The following NFS1 variants were observed in gnomAD, a reference collection of about 807,000 sequenced individuals.
The protein encoded by NFS1 is cysteine desulfurase.
A neutral mutation model predicts 57.3 loss-of-function variants in NFS1; 26 were observed. The ratio of observed to expected loss-of-function variants is 0.45; its 90% CI spans 0.33 to 0.63. The LOEUF is 0.63. Ranked by LOEUF, NFS1 falls within the 20% of genes least tolerant of loss-of-function variation. The pLI is 0.02. For missense variants in NFS1, 505 were observed against 605.8 expected (o/e 0.83, Z 1.75); for synonymous variants, 209 against 216.3 (o/e 0.97, Z 0.30).
At chr20:35,671,971 T>C (rs1186393835) in intron 12 of NFS1, among the ~76,000 whole-genome samples, 5 of 151,320 alleles carry the variant, frequency 3.3e-5, no homozygotes, top group Admixed American at 1.3e-4. Context: ...TTGTTTTTGT[T>C]TTCTTGAGAC....
intron 5 of NFS1, among the ~76,000 whole-genome samples, chr20:35,690,177 A>G (rs568984817): frequency 1.3e-5 from 2 of 152,198 alleles, no homozygotes; most frequent in Admixed American, 6.5e-5. Context: ...TAGCCTGGGC[A>G]AAAGAGTGAG....
At chr20:35,691,174 A>G (rs1216111261) in intron 4 of NFS1, among the ~76,000 whole-genome samples, 2 of 152,302 alleles carry the variant, frequency 1.3e-5, no homozygotes, top group East Asian at 1.9e-4. Flanking sequence ...TAATGTAGGT[A>G]TTTAAAAATC....
chr20:35,677,199 A>C (rs2034767912), intron 7 of NFS1, among the ~76,000 whole-genome samples: 1 of 152,100 alleles, frequency 6.6e-6, no homozygotes, highest in African/African-American at 2.4e-5. Flanking sequence ...TGAATTTTGA[A>C]TCACATGAAT....
intron 5 of NFS1, among the ~76,000 whole-genome samples, chr20:35,688,834 G>A (rs574338266): frequency 6.6e-6 from 1 of 152,128 alleles, no homozygotes; most frequent in South Asian, 2.1e-4. Context: ...GTGAGGGAGG[G>A]AAAAGTATAA....
At chr20:35,674,033 A>G (rs536145397) in intron 10 of NFS1, 3 of 457,736 alleles carry the variant, frequency 6.6e-6, no homozygotes, top group Non-Finnish European at 1.2e-5. Context: ...AGGGCAGCCA[A>G]ACACTTAGTG....
chr20:35,687,416 C>T (rs1020716724), intron 5 of NFS1, among the ~76,000 whole-genome samples: 2 of 138,032 alleles, frequency 1.4e-5, no homozygotes, highest in African/African-American at 2.8e-5. Context: ...TCTCTCTCTC[C>T]TCTCTCTCTC....
rs748118970 is a variant in NFS1 at position 35,680,885 on chromosome 20, G to A, written c.656-14C>T. 4.7e-6 allele frequency: 7 copies of A among 1,485,918 alleles called. No individual in the cohort carries two copies. Among genetic ancestry groups the A allele is most frequent in the Non-Finnish European group, 5.4e-6 (6 of 1,115,042 alleles). 92.0% of individuals were successfully genotyped at this position (1,485,918 alleles called of 1,614,324 possible). A position where few individuals can be genotyped will look rare whatever the true frequency, so the allele number is the denominator to read the frequency against. On this transcript the variant is annotated splice_polypyrimidine_tract_variant and intron_variant, in intron 6 of 12. Transcript: ENST00000374092. ...TGCAAATCCGCCCTGAGGAAACAGA[G>A]GGGAAGACCCACAGCACAATGTTGG... is the stretch of plus-strand genomic sequence containing the variant.
intron 4 of NFS1, among the ~76,000 whole-genome samples, chr20:35,692,078 C>G (rs1314540735): frequency 6.6e-6 from 1 of 151,922 alleles, no homozygotes; most frequent in Admixed American, 6.6e-5. Flanking sequence ...CCCAGATACT[C>G]TGGAGGCTGA....
chr20:35,699,335 C>A lies in NFS1; in HGVS notation c.-47G>T, dbSNP rs377260603. On this transcript the variant is annotated 5_prime_UTR_variant, in exon 1 of 13. Transcript: ENST00000374092. This position sits in a 1 kb window ranked among gnomAD's most constrained non-coding sequence, Gnocchi z 4.4. ...CTTCCGAAGCCGCTGCAGTCCTGGGCCCCAGGCTCCCGGAAGTGCTGCCCG... is the reference window on the plus strand; with the variant it reads ...CTTCCGAAGCCGCTGCAGTCCTGGGACCCAGGCTCCCGGAAGTGCTGCCCG... 15 of 1,388,658 alleles carry A rather than the reference C, an allele frequency of 1.1e-5. No homozygotes were observed. In the Admixed American group the frequency reaches 4.3e-4, roughly 39 times the overall value. 86.0% of individuals were successfully genotyped at this position (1,388,658 alleles called of 1,614,324 possible).
chr20:35,681,954 T>C lies in NFS1; in HGVS notation c.589A>G (p.Thr197Ala), dbSNP rs2034855604. Residue 197 changes from threonine (T) to alanine (A), a missense_variant, in exon 6 of 13, where the codon ACT (threonine) becomes GCT (alanine). Thr to Ala is a moderately conservative substitution (Grantham distance 58). Transcript: ENST00000374092. The part of the protein sequence containing the change: ...KELEAAIQPD[T>A]SLVSVMTVNN... ...ACAGTCATGACTGACACCAGGCTAG[T>C]ATCTGGCTGGATAGCAGCCTCTAGT... 1 of 1,612,124 alleles carries C rather than the reference T, an allele frequency of 6.2e-7. No homozygotes were observed. Among genetic ancestry groups the C allele is most frequent in the African/African-American group, 1.3e-5 (1 of 74,906 alleles).
At chr20:35,694,005 G>C (rs2035087203) in intron 4 of NFS1, among the ~76,000 whole-genome samples, 1 of 152,010 alleles carries the variant, frequency 6.6e-6, no homozygotes, top group Admixed American at 6.6e-5. Context: ...AATTAGACAG[G>C]CGTGCTAGTA....
chr20:35,683,900 G>A lies in NFS1; in HGVS notation c.562-1919C>T, dbSNP rs2034894357. ...CCCAGCACTTCGGCAGATCACCTGA[G>A]GTCAGGAGTTCGAGACCAGCCTGGC... is the stretch of plus-strand genomic sequence containing the variant. On this transcript the variant is annotated intron_variant, in intron 5 of 12. Transcript: ENST00000374092. Among the ~76,000 whole-genome samples the A allele has an allele frequency of 4.0e-5, 6 of 151,612 alleles. No individual in the cohort carries two copies. The South Asian group carries it at 1.2e-3, about 32-fold the overall frequency.
chr20:35,681,792 C>T (rs1272574627), intron 6 of NFS1, 96 bp downstream of exon 6: 8 of 670,068 alleles, frequency 1.2e-5, no homozygotes, highest in Admixed American at 8.9e-5. Flanking sequence ...CCCTTGATTT[C>T]CTAACTACAC....
At chr20:35,686,979 C>T (rs1601529723) in intron 5 of NFS1, among the ~76,000 whole-genome samples, 1 of 152,230 alleles carries the variant, frequency 6.6e-6, no homozygotes, top group South Asian at 2.1e-4. Context: ...TGAGAAGTGA[C>T]CAGAAGACAA....
chr20:35,674,331 T>A lies in NFS1; in HGVS notation c.1136+19A>T. On this transcript the variant is annotated intron_variant, in intron 10 of 12. Transcript: ENST00000374092. ...CTAAGTGGCCCTGCCGCAGGCCCTG[T>A]CTATGCCGTCCAGCTCACCTCCCTG... is the stretch of plus-strand genomic sequence containing the variant. 6.2e-7 allele frequency: 1 copy of A among 1,610,270 alleles called. No homozygotes were observed. Among genetic ancestry groups the A allele is most frequent in the Non-Finnish European group, 8.5e-7 (1 of 1,177,004 alleles).
chr20:35,678,782 C>A (rs1006277970), intron 7 of NFS1, among the ~76,000 whole-genome samples: 2 of 152,126 alleles, frequency 1.3e-5, no homozygotes, highest in South Asian at 2.1e-4. Flanking sequence ...TTGCTTGAGC[C>A]CAGGAGATTG....
chr20:35,692,244 C>T (rs991387039), intron 4 of NFS1: 15 of 275,602 alleles, frequency 5.4e-5, no homozygotes, highest in South Asian at 2.9e-4. Context: ...TGTGGTGGCA[C>T]GCACCTGTAA....
chr20:35,677,715 A>T (rs2034777798), intron 7 of NFS1, among the ~76,000 whole-genome samples: 1 of 152,166 alleles, frequency 6.6e-6, no homozygotes, highest in Non-Finnish European at 1.5e-5. Flanking sequence ...TTATGCTGAG[A>T]ATGGAGGTAC....
chr20:35,696,401 A>T lies in NFS1; in HGVS notation c.384T>A (p.Thr128=), dbSNP rs750334345. The T allele has an allele frequency of 3.1e-6, 5 of 1,613,720 alleles. No individual in the cohort carries two copies. Among genetic ancestry groups the T allele is most frequent in the Non-Finnish European group, 4.2e-6 (5 of 1,179,722 alleles). Residue 128 remains threonine (T), a synonymous_variant, in exon 4 of 13, where the codon ACT becomes ACA. Coordinates refer to ENST00000374092, the MANE Select transcript of NFS1 (RefSeq NM_021100.5). ...CCTTAATTGCTATGTTGTTGGATTC[A>T]GTAGCACCACTAGTAAAAATGATCT... ...PREIIFTSGA[T]ESNNIAIKGV... is the part of the protein sequence containing the mutation.
Sources: allele counts gnomAD v4.1 joint callset (sites outside exome capture counted in the v4.1 genomes callset), GRCh38; gene constraint gnomAD v4.1.1; non-coding constraint Gnocchi (gnomAD v3.1); transcripts MANE v1.5; gene names NCBI Gene and HGNC (gene_info 2026-07-23, HGNC 2026-07-21).